Variants in CACNA1A observed in about 807,000 individuals in gnomAD.
CACNA1A encodes the protein voltage-dependent P/Q-type calcium channel subunit alpha-1A.
A neutral mutation model predicts 262.4 loss-of-function variants in CACNA1A; 57 were observed. The observed-to-expected ratio is 0.22, with a 90% CI of 0.18 to 0.27. The LOEUF (loss-of-function observed/expected upper bound fraction) is 0.27, where lower values mean the gene tolerates loss of function less well. Among genes scored for constraint, CACNA1A ranks in the 10% least tolerant of loss-of-function variants. The pLI is 1.00. For missense variants in CACNA1A, 2,526 were observed against 3,562.8 expected (o/e 0.71, Z 7.41); for synonymous variants, 1,431 against 1,419.3 (o/e 1.01, Z -0.18).
In CACNA1A at chr19:13,207,250, T is replaced by C; in HGVS notation, c.*63A>G. 1 of 1,449,670 alleles carries C rather than the reference T, an allele frequency of 6.9e-7. No individual in the cohort carries two copies. Among genetic ancestry groups the C allele is most frequent in the Non-Finnish European group, 9.0e-7 (1 of 1,105,356 alleles). The allele number at this position is 1,449,670 out of a possible 1,614,324, so 89.8% of individuals were successfully genotyped here. A position where few individuals can be genotyped will look rare whatever the true frequency, so the allele number is the denominator to read the frequency against. ...TGGGCCCCCGCGGCCTCTGCGCGGC[T>C]CCTCGGGTGGGGTGTGTGCGTGGGG... is the stretch of plus-strand genomic sequence containing the variant. On this transcript the variant is annotated 3_prime_UTR_variant, in exon 47 of 47. Coordinates refer to ENST00000360228, the MANE Select transcript of CACNA1A (RefSeq NM_001127222.2). The surrounding 1 kb of genome is among the most constrained non-coding windows in gnomAD (Gnocchi z 5.7).
At chr19:13,230,315 C>G in intron 35 of CACNA1A, 106 bp from the exon 36 acceptor site, 3 of 1,243,506 alleles carry the variant, frequency 2.4e-6, no homozygotes, top group Non-Finnish European at 3.4e-6. Flanking sequence ...GACCCAAAGA[C>G]ATGTACACAG....
intron 3 of CACNA1A, among the ~76,000 whole-genome samples, chr19:13,376,286 G>A (rs976564608): frequency 6.6e-6 from 1 of 152,108 alleles, no homozygotes; most frequent in Non-Finnish European, 1.5e-5. Context: ...TAGCTAGAGA[G>A]GAGAAGTCAA....
At position 13,206,461 on chromosome 19, in the gene CACNA1A, A is replaced by ATTTT. The variant is rs374486008; in HGVS notation, c.*848_*851dup. 1.4e-5 allele frequency: 2 copies of ATTTT among 147,946 alleles called. No homozygotes were observed. Among genetic ancestry groups the ATTTT allele is most frequent in the African/African-American group, 5.0e-5 (2 of 40,108 alleles). The allele number at this position is 147,946 out of a possible 1,614,324, so 9.2% of individuals were successfully genotyped here. ...AAGCCCTTTGATTCAACTTTTTTTT[A>ATTTT]TTTTTTTTTTCTTTTTGAATGTCAT... On this transcript the variant is annotated 3_prime_UTR_variant, in exon 47 of 47. Coordinates refer to ENST00000360228, the MANE Select transcript of CACNA1A (RefSeq NM_001127222.2).
chr19:13,316,782 T>C (rs1012664664), intron 11 of CACNA1A: 7 of 225,434 alleles, frequency 3.1e-5, no homozygotes, highest in Non-Finnish European at 6.1e-5. Context: ...TCTGTTTCTA[T>C]CTGTCTATCT....
At chr19:13,348,961 T>C (rs1361182097) in intron 6 of CACNA1A, among the ~76,000 whole-genome samples, 2 of 143,124 alleles carry the variant, frequency 1.4e-5, no homozygotes, top group Non-Finnish European at 1.5e-5. Context: ...TGAGCCGAGA[T>C]TGCGCCACTG....
intron 1 of CACNA1A, among the ~76,000 whole-genome samples, chr19:13,457,404 G>C (rs557016197): frequency 6.6e-6 from 1 of 152,320 alleles, no homozygotes; most frequent in Non-Finnish European, 1.5e-5. Flanking sequence ...AGGATCGTAA[G>C]ACAGGTATTC....
At chr19:13,272,175 C>CTG (rs1487862365) in intron 24 of CACNA1A, 3 of 152,314 alleles carry the variant, frequency 2.0e-5, no homozygotes, top group African/African-American at 7.2e-5. Context: ...TACCATTTAT[C>CTG]TGTGCCACAC....
At position 13,446,802 on chromosome 19, in the gene CACNA1A, G is replaced by A. The variant is rs115582470; in HGVS notation, c.539+6074C>T. On this transcript the variant is annotated intron_variant, in intron 3 of 46. Transcript: ENST00000360228. ...GACAAAATCTCACTTTGTTGCCCAG[G>A]CTGGCCTTAAACCCTTGGGCTCAGG... 2.5e-3 allele frequency among the ~76,000 whole-genome samples: 383 copies of A among 151,354 alleles called. 3 individuals are homozygous for A. The highest frequency in any genetic ancestry group is 7.8e-3 in the African/African-American group (322 of 41,208).
In CACNA1A at chr19:13,208,937, C is replaced by CCCCGCTCCTGGT. The variant is rs763941704; in HGVS notation, c.6587_6598dup (p.Asp2196_Arg2199dup). The CCCCGCTCCTGGT allele has an allele frequency of 2.0e-6, 3 of 1,537,524 alleles. No homozygotes were observed. The highest frequency in any genetic ancestry group is 2.6e-6 in the Non-Finnish European group (3 of 1,146,868). The stretch of plus-strand genomic sequence containing the variant: ...TCGATGCTTCCGATCCTTGGGCCGG[C>CCCCGCTCCTGGT]CCCGCTCCTGGTCCCGCTCCTTCGA... On this transcript the variant is annotated inframe_insertion, in exon 46 of 47. Transcript: ENST00000360228.
chr19:13,395,291 G>GAAAAGA (rs1045163093), intron 3 of CACNA1A, among the ~76,000 whole-genome samples: 8 of 112,354 alleles, frequency 7.1e-5, no homozygotes, highest in African/African-American at 2.1e-4. Context: ...AAAAAAAAAA[G>GAAAAGA]AAAAGAAAAA....
intron 4 of CACNA1A, among the ~76,000 whole-genome samples, chr19:13,370,561 GA>G (rs1281380952): frequency 2.0e-5 from 3 of 151,724 alleles, no homozygotes; most frequent in Non-Finnish European, 4.4e-5. Flanking sequence ...AAGTAGCTGG[GA>G]CTACAGGTGT....
At chr19:13,397,851 T>C (rs1286708377) in intron 3 of CACNA1A, among the ~76,000 whole-genome samples, 1 of 152,168 alleles carries the variant, frequency 6.6e-6, no homozygotes, top group Non-Finnish European at 1.5e-5. Context: ...TGTGGCTTGA[T>C]ATCAAGAAGC....
At chr19:13,397,893 G>A (rs1001405306) in intron 3 of CACNA1A, among the ~76,000 whole-genome samples, 3 of 152,186 alleles carry the variant, frequency 2.0e-5, no homozygotes, top group Admixed American at 6.5e-5. Context: ...GGTTGAAGAT[G>A]AGGAGCTACA....
chr19:13,356,387 G>T (rs1410544205), intron 6 of CACNA1A, among the ~76,000 whole-genome samples: 1 of 152,172 alleles, frequency 6.6e-6, no homozygotes. Context: ...CTTGCCGAAG[G>T]CTGCACAGCA....
At chr19:13,407,565 G>T in intron 3 of CACNA1A, among the ~76,000 whole-genome samples, 1 of 152,158 alleles carries the variant, frequency 6.6e-6, no homozygotes, top group Non-Finnish European at 1.5e-5. Context: ...TCAGAGATCT[G>T]CTTCTTCTTT....
At chr19:13,426,843 C>G (rs1443606092) in intron 3 of CACNA1A, among the ~76,000 whole-genome samples, 1 of 152,204 alleles carries the variant, frequency 6.6e-6, no homozygotes, top group Non-Finnish European at 1.5e-5. Flanking sequence ...CTCTGCCATT[C>G]TGTTTAAACC....
chr19:13,298,636 G>A lies in CACNA1A; in HGVS notation c.2997C>T (p.Gly999=), dbSNP rs1168125305. The part of the protein sequence containing the change: ...GEGEGEGPDG[G]ERRRRHRHGA... ...CATGCCGGTGCCTTCTCCTGCGCTC[G>A]CCCCCGTCGGGGCCCTCGCCCTCGC... is the stretch of plus-strand genomic sequence containing the variant. The change falls in exon 19 of 47, where the codon GGC becomes GGT. Residue 999 remains glycine, a synonymous_variant. Transcript: ENST00000360228. 5 of 1,523,992 alleles carry A rather than the reference G, an allele frequency of 3.3e-6. No individual in the cohort carries two copies. Among genetic ancestry groups the A allele is most frequent in the East Asian group, 5.4e-5 (2 of 36,788 alleles). 94.4% of individuals were successfully genotyped at this position (1,523,992 alleles called of 1,614,324 possible). A position where few individuals can be genotyped will look rare whatever the true frequency, so the allele number is the denominator to read the frequency against.
intron 24 of CACNA1A, chr19:13,273,741 AT>A (rs1441949662): frequency 6.6e-6 from 1 of 152,016 alleles, no homozygotes; most frequent in Non-Finnish European, 1.5e-5. Context: ...TTGATTTTTA[AT>A]TTTTTAAACT....
intron 31 of CACNA1A, among the ~76,000 whole-genome samples, chr19:13,242,625 C>T (rs1349707423): frequency 3.3e-5 from 5 of 152,108 alleles, no homozygotes; most frequent in African/African-American, 9.7e-5. Context: ...AAAAAGTTCC[C>T]GTCTCTCTCC....
Sources: gnomAD v4.1 joint callset for allele counts (sites outside exome capture counted in the v4.1 genomes callset) on GRCh38, gnomAD v4.1.1 for gene constraint, Gnocchi (gnomAD v3.1) non-coding constraint, MANE v1.5 for transcripts, NCBI Gene and HGNC (gene_info 2026-07-23, HGNC 2026-07-21) for gene names.